CACNA2D3: variants seen among roughly 807,000 people sequenced by gnomAD.
CACNA2D3 encodes the protein voltage-dependent calcium channel subunit alpha-2/delta-3.
CACNA2D3 carries 60 observed loss-of-function variants against 160.6 expected under a neutral mutation model. The ratio of observed to expected loss-of-function variants is 0.37; its 90% confidence interval spans 0.30 to 0.46. The LOEUF (loss-of-function observed/expected upper bound fraction) is 0.46, where lower values mean the gene tolerates loss of function less well. Among genes scored for constraint, CACNA2D3 ranks in the 20% least tolerant of loss-of-function variants. The pLI is 1.00. For missense variants in CACNA2D3, 1,205 were observed against 1,365.0 expected (o/e 0.88, Z 1.85); for synonymous variants, 558 against 492.9 (o/e 1.13, Z -1.75).
chr3:54,970,657 G>A (rs1702256707), intron 29 of CACNA2D3, among the ~76,000 whole-genome samples: 1 of 121,054 alleles, frequency 8.3e-6, no homozygotes. Context: ...CTGCCTTTTG[G>A]GAGGAGGGAT....
At chr3:54,900,843 T>C (rs779129770) in intron 27 of CACNA2D3, among the ~76,000 whole-genome samples, 3 of 152,322 alleles carry the variant, frequency 2.0e-5, no homozygotes, top group Non-Finnish European at 4.4e-5. Context: ...TACTGCTTTT[T>C]TCCCCCCACT....
chr3:54,890,487 C>T (rs1262676355), intron 24 of CACNA2D3, among the ~76,000 whole-genome samples: 29 of 129,472 alleles, frequency 2.2e-4, no homozygotes, highest in African/African-American at 8.0e-4. Flanking sequence ...CAGAGCCAGA[C>T]TCCGTCTCAA....
At chr3:54,285,281 T>C (rs1368744490) in intron 2 of CACNA2D3, among the ~76,000 whole-genome samples, 1 of 152,182 alleles carries the variant, frequency 6.6e-6, no homozygotes, top group Non-Finnish European at 1.5e-5. Flanking sequence ...CAGGAGATTA[T>C]ATTCCTCACC....
At chr3:54,632,400 A>AC (rs1240399161) in intron 10 of CACNA2D3, 1 of 152,112 alleles carries the variant, frequency 6.6e-6, no homozygotes, top group Non-Finnish European at 1.5e-5. Context: ...AGCTTCTGTG[A>AC]CCTGAAGCAT....
chr3:54,578,504 G>A (rs536080983), intron 8 of CACNA2D3, among the ~76,000 whole-genome samples: 3 of 152,374 alleles, frequency 2.0e-5, no homozygotes, highest in East Asian at 1.9e-4. Flanking sequence ...GGGAGGAGCC[G>A]TTGGGTAGTG....
chr3:55,038,907 T>TACAC (rs756941725), intron 35 of CACNA2D3, among the ~76,000 whole-genome samples: 8 of 113,060 alleles, frequency 7.1e-5, no homozygotes, highest in African/African-American at 2.2e-4. Flanking sequence ...TATATATATA[T>TACAC]ACACACACTG....
chr3:54,141,281 C>T (rs113968031), intron 2 of CACNA2D3, among the ~76,000 whole-genome samples: 78 of 152,240 alleles, frequency 5.1e-4, no homozygotes, highest in African/African-American at 1.9e-3. Flanking sequence ...GTCGAAACAG[C>T]CCATACCCAA....
intron 14 of CACNA2D3, among the ~76,000 whole-genome samples, chr3:54,820,901 C>T (rs60757076): frequency 0.012 from 1,847 of 152,220 alleles, 45 homozygotes; most frequent in African/African-American, 0.04. Flanking sequence ...CATTTTTCTT[C>T]ACGTAGATTC....
rs1374787443 is a variant in CACNA2D3 at position 55,004,774 on chromosome 3, A to G, written c.2702A>G (p.Tyr901Cys). 6.2e-7 allele frequency: 1 copy of G among 1,613,100 alleles called. No homozygotes were observed. Among genetic ancestry groups the G allele is most frequent in the East Asian group, 2.2e-5 (1 of 44,852 alleles). The change falls in exon 32 of 38, where the codon TAT becomes TGT. Residue 901 changes from tyrosine (Y) to cysteine (C), a missense_variant. Physicochemically the swap from Tyr to Cys is radical, Grantham distance 194. Around this residue, in one of 3 missense-constraint regions of CACNA2D3, gnomAD observed 911 missense variants for 1,002.2 expected, o/e 0.91. Coordinates refer to ENST00000474759, the MANE Select transcript of CACNA2D3 (RefSeq NM_018398.3). ...TTTCTTTCCTGTAGAATTACCCTTTATGACTACCAAGCCATGTGTAGAGCC... is the reference window on the plus strand; with the variant it reads ...TTTCTTTCCTGTAGAATTACCCTTTGTGACTACCAAGCCATGTGTAGAGCC... ...TMGSFKRITL[Y>C]DYQAMCRANK...
chr3:54,437,242 C>T (rs769357940), intron 4 of CACNA2D3, among the ~76,000 whole-genome samples: 7 of 152,136 alleles, frequency 4.6e-5, no homozygotes, highest in Non-Finnish European at 1.0e-4. Flanking sequence ...GCCGTCGTAA[C>T]GACTGTGTTT....
intron 13 of CACNA2D3, among the ~76,000 whole-genome samples, chr3:54,809,540 G>C (rs1044440360): frequency 7.2e-6 from 1 of 139,606 alleles, no homozygotes; most frequent in Non-Finnish European, 1.5e-5. Flanking sequence ...GGATGGTCTC[G>C]ATCTCCTGAC....
chr3:54,436,781 G>T (rs1700066454), intron 4 of CACNA2D3, among the ~76,000 whole-genome samples: 1 of 152,158 alleles, frequency 6.6e-6, no homozygotes, highest in South Asian at 2.1e-4. Context: ...GCCTGTCGGG[G>T]GTGGGGAGCA....
intron 13 of CACNA2D3, among the ~76,000 whole-genome samples, chr3:54,804,689 C>T (rs1021016629): frequency 8.5e-5 from 13 of 152,156 alleles, no homozygotes; most frequent in Admixed American, 2.0e-4. Flanking sequence ...CTCAGCTCTG[C>T]ACCAAGCGGA....
At chr3:54,954,950 C>T (rs1701846476) in intron 27 of CACNA2D3, among the ~76,000 whole-genome samples, 1 of 152,314 alleles carries the variant, frequency 6.6e-6, no homozygotes, top group Admixed American at 6.5e-5. Flanking sequence ...ATTTACTCAT[C>T]TAGCTTTTAT....
chr3:54,984,794 T>C, intron 30 of CACNA2D3, 124 bp downstream of exon 30: 1 of 652,210 alleles, frequency 1.5e-6, no homozygotes, highest in Non-Finnish European at 2.7e-6. Flanking sequence ...TAGCAGGAGA[T>C]TATAAAACCT....
intron 11 of CACNA2D3, among the ~76,000 whole-genome samples, chr3:54,644,591 A>G (rs1699597607): frequency 6.6e-6 from 1 of 152,228 alleles, no homozygotes; most frequent in Non-Finnish European, 1.5e-5. Context: ...CCATGTTGTA[A>G]TTGACAATCT....
intron 11 of CACNA2D3, among the ~76,000 whole-genome samples, chr3:54,705,155 C>T (rs1234834121): frequency 6.6e-6 from 1 of 152,060 alleles, no homozygotes; most frequent in Non-Finnish European, 1.5e-5. Context: ...TACTGAATAC[C>T]CACTATCTGG....
At chr3:54,515,492 T>C (rs1352140163) in intron 5 of CACNA2D3, among the ~76,000 whole-genome samples, 1 of 152,208 alleles carries the variant, frequency 6.6e-6, no homozygotes, top group Non-Finnish European at 1.5e-5. Flanking sequence ...GCTTCCCAGG[T>C]GCTAGCTTTC....
chr3:54,574,213 T>G (rs558588536), intron 8 of CACNA2D3, among the ~76,000 whole-genome samples: 2 of 152,272 alleles, frequency 1.3e-5, no homozygotes, highest in South Asian at 2.1e-4. Flanking sequence ...ATATTTTCAG[T>G]GCCGGAAGCC....
Sources: allele counts gnomAD v4.1 joint callset (sites outside exome capture counted in the v4.1 genomes callset), GRCh38; gene constraint gnomAD v4.1.1; regional missense constraint gnomAD v4.1.1; transcripts MANE v1.5; gene names NCBI Gene and HGNC (gene_info 2026-07-23, HGNC 2026-07-21).